KHDRBS2: variants seen among roughly 807,000 people sequenced by gnomAD.
The protein encoded by KHDRBS2 is KH RNA binding domain containing, signal transduction associated 2, also known as KH domain-containing, RNA-binding, signal transduction-associated protein 2.
Under a neutral mutation model 44.3 loss-of-function variants are expected in KHDRBS2, and 26 were observed. That is an observed-to-expected ratio of 0.59 (90% CI 0.43 to 0.81). The LOEUF is 0.81. Among genes scored for constraint, KHDRBS2 ranks in the 40% least tolerant of loss-of-function variants. The pLI is 0.00. For missense variants in KHDRBS2, 476 were observed against 433.1 expected, an observed-to-expected ratio of 1.10 and a Z score of -0.88; for synonymous variants, 194 against 151.1, an observed-to-expected ratio of 1.28 and a Z score of -2.08.
rs183797433 is a variant in KHDRBS2, at chr6:62,036,550, A to G, written c.336+11328T>C. Among the ~76,000 whole-genome samples, 418 of 152,130 alleles carry G rather than the reference A, an allele frequency of 2.7e-3. 3 individuals are homozygous for G. The highest frequency in any genetic ancestry group is 9.2e-3 in the African/African-American group (382 of 41,556). Reference sequence around the variant, plus strand: ...TTTTATTCTCTAAGCCTAAAATTATAAGAAAAAAAAGTAATTTGGATCCAT... The same window carrying G: ...TTTTATTCTCTAAGCCTAAAATTATGAGAAAAAAAAGTAATTTGGATCCAT... On this transcript the variant is annotated intron_variant, in intron 3 of 8. Coordinates refer to ENST00000281156, the MANE Select transcript of KHDRBS2 (RefSeq NM_152688.4).
intron 1 of KHDRBS2, among the ~76,000 whole-genome samples, chr6:62,241,337 T>C (rs536581593): frequency 6.6e-6 from 1 of 152,320 alleles, no homozygotes; most frequent in East Asian, 1.9e-4. Flanking sequence ...CTTTTTACTC[T>C]TTTTTATATG....
chr6:61,848,551 A>ATG (rs1562295003), intron 6 of KHDRBS2, among the ~76,000 whole-genome samples: 3 of 42,828 alleles, frequency 7.0e-5, no homozygotes, highest in African/African-American at 2.5e-4. Flanking sequence ...GTATATATAT[A>ATG]CATATATATA....
intron 1 of KHDRBS2, among the ~76,000 whole-genome samples, chr6:62,188,151 G>A (rs536837471): frequency 6.6e-6 from 1 of 152,082 alleles, no homozygotes; most frequent in Non-Finnish European, 1.5e-5. Flanking sequence ...CTGCCCTCAT[G>A]ACCCAAACAC....
At chr6:62,131,313 C>A (rs1584878583) in intron 2 of KHDRBS2, among the ~76,000 whole-genome samples, 1 of 152,244 alleles carries the variant, frequency 6.6e-6, no homozygotes, top group African/African-American at 2.4e-5. Flanking sequence ...TTAATTAAAT[C>A]GTTACAAGGA....
intron 2 of KHDRBS2, among the ~76,000 whole-genome samples, chr6:62,141,974 A>T (rs1039501407): frequency 2.6e-5 from 4 of 152,232 alleles, no homozygotes; most frequent in Admixed American, 2.6e-4. Flanking sequence ...AGTAATTTTA[A>T]GTAGCCCTTA....
chr6:61,621,224 C>T, the KHDRBS2 span, among the ~76,000 whole-genome samples: 3 of 152,182 alleles, frequency 2.0e-5, no homozygotes, highest in African/African-American at 7.2e-5. Context: ...CCTAGAAAAC[C>T]ATCCCGGTGG....
At chr6:61,983,779 C>G (rs1774464534) in intron 3 of KHDRBS2, among the ~76,000 whole-genome samples, 1 of 152,092 alleles carries the variant, frequency 6.6e-6, no homozygotes, top group African/African-American at 2.4e-5. Flanking sequence ...AATAATTTTC[C>G]TTTGATTATC....
At chr6:61,568,547 G>A in the KHDRBS2 span, among the ~76,000 whole-genome samples, 1 of 152,158 alleles carries the variant, frequency 6.6e-6, no homozygotes, top group Middle Eastern at 3.2e-3. Context: ...TCCTTTGAAT[G>A]TTACTGCAAA....
Position 62,230,316 on chromosome 6 carries a change from C to T in KHDRBS2, c.92-53004G>A, listed in dbSNP as rs181173411. 1.5e-3 allele frequency among the ~76,000 whole-genome samples: 229 copies of T among 152,234 alleles called. 1 individual carries two copies. Among genetic ancestry groups the T allele is most frequent in the African/African-American group, 5.3e-3 (222 of 41,536 alleles). ...TGACAGAAGTAGCTAAAAAATGAAA[C>T]TTCTGCAGTGTTCTTCCACCATTAA... On this transcript the variant is annotated intron_variant, in intron 1 of 8. Transcript: ENST00000281156.
At chr6:62,108,854 C>T (rs925765233) in intron 2 of KHDRBS2, among the ~76,000 whole-genome samples, 1 of 151,954 alleles carries the variant, frequency 6.6e-6, no homozygotes, top group Non-Finnish European at 1.5e-5. Flanking sequence ...GGACAAAAAA[C>T]CAAACACCGC....
At chr6:61,773,721 G>A (rs1224064517) in intron 6 of KHDRBS2, among the ~76,000 whole-genome samples, 19 of 151,864 alleles carry the variant, frequency 1.3e-4, no homozygotes, top group Admixed American at 1.2e-3. Context: ...CCTTGCCCAT[G>A]CCTATGTCCT....
At chr6:62,077,877 C>T (rs1340628481) in intron 2 of KHDRBS2, among the ~76,000 whole-genome samples, 1 of 151,928 alleles carries the variant, frequency 6.6e-6, no homozygotes, top group African/African-American at 2.4e-5. Flanking sequence ...CAAATAAATA[C>T]ATCAGAAATG....
intron 1 of KHDRBS2, among the ~76,000 whole-genome samples, chr6:62,197,125 T>C (rs1825869309): frequency 6.6e-6 from 1 of 152,120 alleles, no homozygotes; most frequent in Admixed American, 6.6e-5. Flanking sequence ...TGGAAAAATT[T>C]CAGAACAAGG....
At chr6:61,589,853 A>T in the KHDRBS2 span, among the ~76,000 whole-genome samples, 1 of 152,212 alleles carries the variant, frequency 6.6e-6, no homozygotes, top group East Asian at 1.9e-4. Context: ...AATCTCTCCC[A>T]CATTCCCTAT....
chr6:62,243,111 T>C (rs1834959538), intron 1 of KHDRBS2, among the ~76,000 whole-genome samples: 2 of 152,172 alleles, frequency 1.3e-5, no homozygotes. Flanking sequence ...ATGCAAGTTG[T>C]TCTAGAAATA....
chr6:62,048,347 C>T (rs1725467431), intron 2 of KHDRBS2, among the ~76,000 whole-genome samples: 1 of 151,832 alleles, frequency 6.6e-6, no homozygotes, highest in East Asian at 1.9e-4. Flanking sequence ...CTTTTTCTCT[C>T]AAACTATATT....
At chr6:61,848,573 A>ACG (rs1794963626) in intron 6 of KHDRBS2, among the ~76,000 whole-genome samples, 4 of 68,306 alleles carry the variant, frequency 5.9e-5, no homozygotes, top group Admixed American at 1.5e-4. Flanking sequence ...GTATATATAT[A>ACG]TACATATATA....
chr6:61,799,015 A>G (rs2065065), intron 6 of KHDRBS2, among the ~76,000 whole-genome samples: 27,741 of 151,974 alleles, frequency 0.18, 2,654 homozygotes, highest in Non-Finnish European at 0.2. Context: ...GAGCCAAAGG[A>G]ACAGGTGAAA....
At position 61,901,401 on chromosome 6, in the gene KHDRBS2, A is replaced by C. The variant is rs1357485803; in HGVS notation, c.484-30T>G. ...AGAAAAAACATGATGTGATGAGTTA[A>C]AAATGGGACATGCCGTTCTCAGAGT... is the stretch of plus-strand genomic sequence containing the variant. On this transcript the variant is annotated intron_variant, in intron 4 of 8. Coordinates refer to ENST00000281156, the MANE Select transcript of KHDRBS2 (RefSeq NM_152688.4). 1.9e-6 allele frequency: 3 copies of C among 1,589,842 alleles called. No homozygotes were observed. The East Asian group carries it at 6.7e-5, about 36-fold the overall frequency.
Sources: gnomAD v4.1 joint callset for allele counts (sites outside exome capture counted in the v4.1 genomes callset) on GRCh38, gnomAD v4.1.1 for gene constraint, MANE v1.5 for transcripts, NCBI Gene and HGNC (gene_info 2026-07-23, HGNC 2026-07-21) for gene names.